ELMO1: variants seen among roughly 807,000 people sequenced by gnomAD.
ELMO1 encodes engulfment and cell motility protein 1.
ELMO1 carries 26 observed loss-of-function variants against 98.9 expected under a neutral mutation model. The ratio of observed to expected loss-of-function variants is 0.26; its 90% CI spans 0.19 to 0.36. The LOEUF is 0.36. Among genes scored for constraint, ELMO1 ranks in the 10% least tolerant of loss-of-function variants. The probability of loss-of-function intolerance (pLI) is 1.00; values close to 1 mark genes in which losing one functional copy is unlikely to be tolerated. For synonymous variants in ELMO1, 346 were observed against 346.0 expected (o/e 1.00, Z 0.00); for missense variants, 627 against 935.2 (o/e 0.67, Z 4.30).
chr7:37,007,947 A>C (rs1444864494), intron 16 of ELMO1, among the ~76,000 whole-genome samples: 1 of 152,198 alleles, frequency 6.6e-6, no homozygotes, highest in Non-Finnish European at 1.5e-5. Context: ...CCCTGTGCAC[A>C]GTCTCTGCTA....
chr7:36,935,964 T>C (rs555291261), intron 16 of ELMO1, among the ~76,000 whole-genome samples: 1 of 152,204 alleles, frequency 6.6e-6, no homozygotes, highest in Non-Finnish European at 1.5e-5. Context: ...ATACTGTTGG[T>C]TGCTTACCTA....
chr7:36,985,106 A>G, intron 16 of ELMO1: 3 of 985,298 alleles, frequency 3.0e-6, no homozygotes, highest in Non-Finnish European at 3.6e-6. Context: ...GTTTCTACCC[A>G]ACGAAATTGA....
At chr7:36,917,993 A>T (rs1784841227) in intron 16 of ELMO1, among the ~76,000 whole-genome samples, 1 of 152,336 alleles carries the variant, frequency 6.6e-6, no homozygotes, top group South Asian at 2.1e-4. Flanking sequence ...TATTACAGAG[A>T]TTTATCATTT....
At chr7:37,267,246 GC>G (rs987957288) in intron 5 of ELMO1, among the ~76,000 whole-genome samples, 2 of 151,978 alleles carry the variant, frequency 1.3e-5, no homozygotes, top group Non-Finnish European at 2.9e-5. Flanking sequence ...AGGATGTTCT[GC>G]AACCTGCTTT....
At chr7:37,180,810 G>GCACA (rs776306979) in intron 13 of ELMO1, among the ~76,000 whole-genome samples, 18 of 131,126 alleles carry the variant, frequency 1.4e-4, no homozygotes, top group South Asian at 4.3e-4. Flanking sequence ...ACACACATAT[G>GCACA]CGCACACACA....
intron 13 of ELMO1, among the ~76,000 whole-genome samples, chr7:37,159,520 G>A (rs1789047528): frequency 6.6e-6 from 1 of 152,056 alleles, no homozygotes; most frequent in African/African-American, 2.4e-5. Flanking sequence ...GGCCAACATG[G>A]CAAAACTCCG....
intron 15 of ELMO1, among the ~76,000 whole-genome samples, chr7:37,050,978 G>A (rs1469746124): frequency 1.3e-5 from 2 of 152,118 alleles, no homozygotes; most frequent in African/African-American, 2.4e-5. Flanking sequence ...TTTATTCTAA[G>A]GGCTTCAGAC....
intron 13 of ELMO1, among the ~76,000 whole-genome samples, chr7:37,161,199 C>A (rs1260061477): frequency 1.3e-5 from 2 of 152,134 alleles, no homozygotes; most frequent in South Asian, 4.1e-4. Flanking sequence ...TTGAAGAAAT[C>A]CTGGTTCTTA....
intron 13 of ELMO1, among the ~76,000 whole-genome samples, chr7:37,203,342 G>A (rs943971497): frequency 6.6e-6 from 1 of 152,304 alleles, no homozygotes; most frequent in Non-Finnish European, 1.5e-5. Flanking sequence ...GAAGTGGAGG[G>A]TCGTACCCTG....
chr7:37,081,150 G>A (rs1489782215), intron 15 of ELMO1, among the ~76,000 whole-genome samples: 1 of 152,104 alleles, frequency 6.6e-6, no homozygotes, highest in East Asian at 1.9e-4. Context: ...CTGAGCAAAT[G>A]TTCATCCCGG....
At chr7:37,057,612 C>T (rs181343767) in intron 15 of ELMO1, among the ~76,000 whole-genome samples, 2 of 152,300 alleles carry the variant, frequency 1.3e-5, no homozygotes, top group African/African-American at 4.8e-5. Context: ...TCAGTAACAC[C>T]ACCTTAGCCC....
intron 1 of ELMO1, among the ~76,000 whole-genome samples, chr7:37,358,560 G>A (rs550086894): frequency 5.9e-5 from 9 of 152,248 alleles, no homozygotes; most frequent in African/African-American, 1.9e-4. Flanking sequence ...ACAGATTCTG[G>A]GGCCTAGTTA....
In ELMO1 at chr7:37,155,340, C is replaced by T. The variant is rs182456648; in HGVS notation, c.1087-22106G>A. 1.4e-4 allele frequency among the ~76,000 whole-genome samples: 21 copies of T among 151,950 alleles called. 1 individual carries two copies. In the East Asian group the frequency reaches 3.3e-3, roughly 24 times the overall value. ...ATTACTTAAATGTAAGTGGGCTAAA[C>T]GCCCTAATTAAAAGACACAGACTGG... is the stretch of plus-strand genomic sequence containing the variant. On this transcript the variant is annotated intron_variant, in intron 13 of 21. Transcript: ENST00000310758.
rs148280295 is a variant in ELMO1, at chr7:37,073,129, G to A, written c.1300+23490C>T. On this transcript the variant is annotated intron_variant, in intron 15 of 21. Transcript: ENST00000310758. Reference sequence around the variant, plus strand: ...ATCCTTTGCGTTAATTCTGGTGGTAGATATAGCCAGAGGTGTTTTTTACAG... The same window carrying A: ...ATCCTTTGCGTTAATTCTGGTGGTAAATATAGCCAGAGGTGTTTTTTACAG... Among the ~76,000 whole-genome samples, 6 of 152,286 alleles carry A rather than the reference G, an allele frequency of 3.9e-5. No homozygotes were observed. In the East Asian group the frequency reaches 1.2e-3, roughly 29 times the overall value.
chr7:37,064,069 T>G (rs1006540825), intron 15 of ELMO1, among the ~76,000 whole-genome samples: 1 of 152,132 alleles, frequency 6.6e-6, no homozygotes, highest in African/African-American at 2.4e-5. Context: ...TCTCTGGGCC[T>G]ACATGGAGCA....
chr7:37,231,849 A>G (rs1036681055), intron 8 of ELMO1, among the ~76,000 whole-genome samples: 1 of 152,058 alleles, frequency 6.6e-6, no homozygotes, highest in African/African-American at 2.4e-5. Flanking sequence ...AACAGTCTGT[A>G]CTAATTTTTT....
intron 16 of ELMO1, among the ~76,000 whole-genome samples, chr7:36,921,118 A>C (rs1584374251): frequency 7.2e-6 from 1 of 139,554 alleles, no homozygotes; most frequent in African/African-American, 3.0e-5. Context: ...TTTGCCAGGC[A>C]CCACATTTGC....
intron 16 of ELMO1, among the ~76,000 whole-genome samples, chr7:36,996,908 G>A (rs1368084913): frequency 6.6e-6 from 1 of 152,186 alleles, no homozygotes; most frequent in African/African-American, 2.4e-5. Context: ...TAATAGACAT[G>A]TTGTTTGGAA....
At chr7:37,024,962 G>A (rs544968780) in intron 15 of ELMO1, among the ~76,000 whole-genome samples, 183 of 152,304 alleles carry the variant, frequency 1.2e-3, no homozygotes, top group African/African-American at 4.3e-3. Flanking sequence ...GGCAAAATAT[G>A]CAGAAATTCC....
Sources: allele counts gnomAD v4.1 joint callset (sites outside exome capture counted in the v4.1 genomes callset), GRCh38; gene constraint gnomAD v4.1.1; transcripts MANE v1.5; gene names NCBI Gene and HGNC (gene_info 2026-07-23, HGNC 2026-07-21).